STAT3: variants seen among roughly 807,000 people sequenced by gnomAD.
STAT3 encodes signal transducer and activator of transcription 3.
In STAT3, 7 loss-of-function variants were observed where a neutral mutation model predicts 114.3. That is an observed-to-expected ratio of 0.06 (90% CI 0.03 to 0.11). The LOEUF is 0.11. Ranked by LOEUF, STAT3 falls within the 10% of genes least tolerant of loss-of-function variation. The pLI is 1.00. For missense variants in STAT3, 364 were observed against 960.9 expected, an observed-to-expected ratio of 0.38 and a Z score of 8.21; for synonymous variants, 331 against 354.5, an observed-to-expected ratio of 0.93 and a Z score of 0.74.
At chr17:42,332,448 G>C (rs1267726869) in intron 10 of STAT3, among the ~76,000 whole-genome samples, 1 of 139,962 alleles carries the variant, frequency 7.1e-6, no homozygotes, top group East Asian at 2.3e-4. Flanking sequence ...TGAGGCAGGA[G>C]AATCACTTGA....
chr17:42,381,598 G>A (rs1044185934), intron 1 of STAT3, among the ~76,000 whole-genome samples: 3 of 151,954 alleles, frequency 2.0e-5, no homozygotes, highest in Non-Finnish European at 2.9e-5. Context: ...TGGGCGTGGT[G>A]GCGGGCGCCT....
intron 1 of STAT3, among the ~76,000 whole-genome samples, chr17:42,386,669 C>T (rs1239255455): frequency 2.0e-5 from 3 of 152,144 alleles, no homozygotes; most frequent in African/African-American, 7.2e-5. Flanking sequence ...TAGCTGGGAT[C>T]AGAGGTGTGC....
At chr17:42,374,751 T>A (rs908010428) in intron 1 of STAT3, among the ~76,000 whole-genome samples, 8 of 152,080 alleles carry the variant, frequency 5.3e-5, no homozygotes, top group African/African-American at 9.7e-5. Context: ...CATTTACAGA[T>A]AAGGACAGAA....
At chr17:42,327,778 C>T (rs1450286943) in intron 14 of STAT3, among the ~76,000 whole-genome samples, 6 of 152,156 alleles carry the variant, frequency 3.9e-5, no homozygotes, top group African/African-American at 1.2e-4. Flanking sequence ...CTGGGCACAG[C>T]GGCTCATGCC....
chr17:42,346,678 A>G lies in STAT3; in HGVS notation c.164T>C (p.Leu55Ser). 6.2e-6 allele frequency: 10 copies of G among 1,614,206 alleles called. No individual in the cohort carries two copies. The highest frequency in any genetic ancestry group is 7.6e-6 in the Non-Finnish European group (9 of 1,180,042). The change falls in exon 3 of 24, where the codon TTG (leucine) becomes TCG (serine). Residue 55 changes from leucine to serine, a missense_variant. Around this residue, in one of 5 missense-constraint regions of STAT3, gnomAD observed 294 missense variants for 745.1 expected, o/e 0.39. Coordinates refer to ENST00000264657, the MANE Select transcript of STAT3 (RefSeq NM_139276.3). ...YAASKESHAT[L>S]VFHNLLGEID... ...CTCTCCCAGGAGATTATGAAACACC[A>G]AAGTGGCATGTGATTCTTTGCTGGC... is the stretch of plus-strand genomic sequence containing the variant.
chr17:42,338,876 T>C (rs1044340605), intron 5 of STAT3, 64 bp from the exon 6 acceptor site: 23 of 1,445,774 alleles, frequency 1.6e-5, no homozygotes, highest in African/African-American at 4.2e-5. Flanking sequence ...ACAGAAAATA[T>C]AAAGTTTCTG....
chr17:42,356,340 A>G (rs938341298), intron 1 of STAT3, among the ~76,000 whole-genome samples: 7 of 152,146 alleles, frequency 4.6e-5, no homozygotes, highest in Non-Finnish European at 5.9e-5. Context: ...CTGTGACCCC[A>G]GCACTTTGGG....
intron 1 of STAT3, among the ~76,000 whole-genome samples, chr17:42,382,635 C>T (rs2084862254): frequency 6.6e-6 from 1 of 151,858 alleles, no homozygotes; most frequent in South Asian, 2.1e-4. Flanking sequence ...TAAAGAGTTG[C>T]GGTAATCCTT....
chr17:42,334,350 G>A (rs1204548870), intron 8 of STAT3, among the ~76,000 whole-genome samples: 2 of 151,406 alleles, frequency 1.3e-5, no homozygotes, highest in Admixed American at 6.6e-5. Flanking sequence ...GTGCAATCTC[G>A]GCTCACTGCA....
At chr17:42,365,525 A>C (rs1442527965) in intron 1 of STAT3, among the ~76,000 whole-genome samples, 1 of 152,192 alleles carries the variant, frequency 6.6e-6, no homozygotes, top group Non-Finnish European at 1.5e-5. Context: ...GCATTCGGCA[A>C]CTAGAACAAC....
intron 1 of STAT3, among the ~76,000 whole-genome samples, chr17:42,372,985 A>T (rs193027723): frequency 6.6e-6 from 1 of 152,354 alleles, no homozygotes; most frequent in East Asian, 1.9e-4. Context: ...AAGTTGTGGG[A>T]GAAAGTAAGG....
intron 1 of STAT3, among the ~76,000 whole-genome samples, chr17:42,367,063 A>C (rs2083841051): frequency 6.6e-6 from 1 of 151,198 alleles, no homozygotes; most frequent in Admixed American, 6.6e-5. Flanking sequence ...AGTTGCTTGA[A>C]CCGGGGAGGC....
At chr17:42,347,683 T>C (rs2082761096) in intron 2 of STAT3, among the ~76,000 whole-genome samples, 1 of 152,176 alleles carries the variant, frequency 6.6e-6, no homozygotes, top group African/African-American at 2.4e-5. Context: ...GGGTTTCTCA[T>C]GAATGGTTTA....
chr17:42,379,003 A>C (rs2084627373), intron 1 of STAT3, among the ~76,000 whole-genome samples: 2 of 152,202 alleles, frequency 1.3e-5, no homozygotes, highest in Admixed American at 1.3e-4. Flanking sequence ...AGGTCAGAAT[A>C]CCACAAACTA....
chr17:42,373,359 G>A (rs982856818), intron 1 of STAT3, among the ~76,000 whole-genome samples: 2 of 150,592 alleles, frequency 1.3e-5, no homozygotes, highest in African/African-American at 4.9e-5. Context: ...TCAAAAAAAA[G>A]AAAAGAAAAG....
intron 21 of STAT3, among the ~76,000 whole-genome samples, chr17:42,319,915 G>A (rs2081401969): frequency 1.3e-5 from 2 of 152,170 alleles, no homozygotes; most frequent in South Asian, 4.1e-4. Context: ...CAAGTAATTA[G>A]TTCCTTTCTC....
At chr17:42,380,424 A>G (rs2084717395) in intron 1 of STAT3, among the ~76,000 whole-genome samples, 1 of 149,166 alleles carries the variant, frequency 6.7e-6, no homozygotes, top group Non-Finnish European at 1.5e-5. Context: ...TCACTCTGTC[A>G]CCCAGGCTGT....
intron 2 of STAT3, 50 bp from the exon 3 acceptor site, chr17:42,346,763 CACAA>C: frequency 6.2e-7 from 1 of 1,613,464 alleles, no homozygotes; most frequent in Non-Finnish European, 8.5e-7. Flanking sequence ...GACGCATACA[CACAA>C]ACACAGAAAT....
intron 1 of STAT3, among the ~76,000 whole-genome samples, chr17:42,358,569 A>G (rs1215960788): frequency 6.6e-6 from 1 of 152,234 alleles, no homozygotes; most frequent in Non-Finnish European, 1.5e-5. Flanking sequence ...CACAAAACAG[A>G]CCAAATTTGT....
Sources: gnomAD v4.1 joint callset for allele counts (sites outside exome capture counted in the v4.1 genomes callset) on GRCh38, gnomAD v4.1.1 for gene constraint, gnomAD v4.1.1 regional missense constraint, MANE v1.5 for transcripts, NCBI Gene and HGNC (gene_info 2026-07-23, HGNC 2026-07-21) for gene names.